SETD2: variants seen among roughly 807,000 people sequenced by gnomAD.
SETD2 encodes histone-lysine N-methyltransferase SETD2.
SETD2 carries 31 observed loss-of-function variants against 242.1 expected under a neutral mutation model. That is an observed-to-expected ratio of 0.13 (90% CI 0.10 to 0.17). SETD2 has a LOEUF of 0.17. Ranked by LOEUF, SETD2 falls within the 10% of genes least tolerant of loss-of-function variation. The pLI is 1.00. For missense variants in SETD2, 2,481 were observed against 3,046.3 expected (o/e 0.81, Z 4.37); for synonymous variants, 1,006 against 1,066.5 (o/e 0.94, Z 1.11).
intron 17 of SETD2, among the ~76,000 whole-genome samples, chr3:47,038,134 C>T (rs1311158336): frequency 6.6e-6 from 1 of 152,110 alleles, no homozygotes; most frequent in African/African-American, 2.4e-5. Context: ...CCTATGTCAC[C>T]CCTCTGTAGA....
chr3:47,108,932 C>G (rs1002767135), intron 5 of SETD2, among the ~76,000 whole-genome samples: 11 of 152,132 alleles, frequency 7.2e-5, no homozygotes. Context: ...CATCATATTG[C>G]CTGGCATGCA....
rs760205909 is a variant in SETD2 at position 47,122,442 on chromosome 3, A to G, written c.2194T>C (p.Leu732=). ...QNISRCKEKD[L]DDTCMLHKKS... The stretch of plus-strand genomic sequence containing the variant: ...TTATGCAGCATGCAGGTATCATCCA[A>G]GTCTTTTTCTTTGCACCTACTAATA... The change falls in exon 3 of 21, where the codon TTG becomes CTG. Residue 732 remains leucine, a synonymous_variant. Coordinates refer to ENST00000409792, the MANE Select transcript of SETD2 (RefSeq NM_014159.7). 1 of 1,614,166 alleles carries G rather than the reference A, an allele frequency of 6.2e-7. No individual in the cohort carries two copies. Among genetic ancestry groups the G allele is most frequent in the Non-Finnish European group, 8.5e-7 (1 of 1,180,018 alleles).
At position 47,042,711 on chromosome 3, in the gene SETD2, AAC is replaced by A. The variant is rs768538705; in HGVS notation, c.7099-13_7099-12del. 4 of 1,588,984 alleles carry A rather than the reference AAC, an allele frequency of 2.5e-6. No homozygotes were observed. The highest frequency in any genetic ancestry group is 3.6e-5 in the Admixed American group (2 of 55,732). ...CACAACCATTTCAGACTACAAAGAA[AAC>A]ACACACATTTTTGATCAGTGATCTC... On this transcript the variant is annotated splice_polypyrimidine_tract_variant and intron_variant, in intron 16 of 20. Transcript: ENST00000409792.
intron 12 of SETD2, among the ~76,000 whole-genome samples, chr3:47,072,336 G>A (rs750617638): frequency 2.6e-5 from 4 of 151,894 alleles, no homozygotes; most frequent in Non-Finnish European, 4.4e-5. Context: ...ATTTACAGGC[G>A]CAAGATTTCC....
At chr3:47,056,092 ATTTTTATTTATTTATTTATTTATTTATT>A (rs2040062606) in intron 15 of SETD2, among the ~76,000 whole-genome samples, 2 of 113,004 alleles carry the variant, frequency 1.8e-5, no homozygotes, top group Admixed American at 2.0e-4. Context: ...AGAAAACATG[ATTTTTATTTATTTATTTATTTATTTATT>A]TATTTATTTA....
chr3:47,116,890 C>A (rs2042875767), intron 3 of SETD2, 136 bp from the exon 4 acceptor site: 2 of 611,856 alleles, frequency 3.3e-6, no homozygotes, highest in Non-Finnish European at 5.5e-6. Context: ...GTCACCCAGG[C>A]CAGGGTGCAG....
intron 8 of SETD2, among the ~76,000 whole-genome samples, chr3:47,100,940 G>T (rs900974620): frequency 6.7e-6 from 1 of 149,656 alleles, no homozygotes; most frequent in Non-Finnish European, 1.5e-5. Flanking sequence ...AACCTGGGAG[G>T]CGGAGCTTGC....
At chr3:47,077,372 C>T (rs919830432) in intron 12 of SETD2, among the ~76,000 whole-genome samples, 24 of 152,148 alleles carry the variant, frequency 1.6e-4, no homozygotes, top group South Asian at 2.1e-4. Context: ...TGTGAGCCAC[C>T]ACGCCCGGCC....
chr3:47,090,581 AG>A (rs2041759195), intron 9 of SETD2, among the ~76,000 whole-genome samples: 2 of 151,870 alleles, frequency 1.3e-5, no homozygotes, highest in Admixed American at 1.3e-4. Flanking sequence ...TAGTAGAGAC[AG>A]GGTTTCACCA....
chr3:47,027,950 CCTGA>C (rs960626621), intron 18 of SETD2, among the ~76,000 whole-genome samples: 1 of 152,006 alleles, frequency 6.6e-6, no homozygotes, highest in Non-Finnish European at 1.5e-5. Context: ...CCCCCGCACA[CCTGA>C]CTAATTTTTT....
intron 5 of SETD2, among the ~76,000 whole-genome samples, chr3:47,107,736 GGGGGT>G (rs2042491310): frequency 7.2e-6 from 1 of 139,004 alleles, no homozygotes; most frequent in Non-Finnish European, 1.6e-5. Context: ...GGGGTGGGGG[GGGGGT>G]GGCAGGATTG....
At chr3:47,133,756 T>C (rs549257157) in intron 1 of SETD2, among the ~76,000 whole-genome samples, 20 of 152,182 alleles carry the variant, frequency 1.3e-4, no homozygotes, top group African/African-American at 4.8e-4. Flanking sequence ...TGTGGACCCT[T>C]GGAAATCCTA....
At chr3:47,043,118 C>T (rs1299641773) in intron 16 of SETD2, among the ~76,000 whole-genome samples, 2 of 151,430 alleles carry the variant, frequency 1.3e-5, no homozygotes, top group African/African-American at 4.8e-5. Context: ...ATATTTTTTC[C>T]GTACTTGAAA....
chr3:47,035,242 T>G (rs1407089910), intron 18 of SETD2, among the ~76,000 whole-genome samples: 1 of 152,214 alleles, frequency 6.6e-6, no homozygotes, highest in Non-Finnish European at 1.5e-5. Context: ...TTTTAACAGG[T>G]GGTGCCTGGT....
rs1200406493 is a variant in SETD2, at chr3:47,123,280, A to G, written c.1356T>C (p.Asp452=). 4 of 1,552,122 alleles carry G rather than the reference A, an allele frequency of 2.6e-6. No homozygotes were observed. Among genetic ancestry groups the G allele is most frequent in the Non-Finnish European group, 2.6e-6 (3 of 1,147,128 alleles). ...AGTCAGAACTCTCTCGTGCTCTGTT[A>G]TCTGTGTATGGCCGAGAATAGCGCG... ...ERTRYSRPYT[D]NRARESSDSE... is the part of the protein sequence containing the mutation. Residue 452 remains aspartate (D), a synonymous_variant, in exon 3 of 21, where the codon GAT becomes GAC. Coordinates refer to ENST00000409792, the MANE Select transcript of SETD2 (RefSeq NM_014159.7).
rs2043032155 is a variant in SETD2, at chr3:47,120,547, G to C, written c.4089C>G (p.Asp1363Glu). 6.2e-7 allele frequency: 1 copy of C among 1,613,948 alleles called. No individual in the cohort carries two copies. The highest frequency in any genetic ancestry group is 8.5e-7 in the Non-Finnish European group (1 of 1,179,996). The stretch of plus-strand genomic sequence containing the variant: ...TTTCAGGTGCTTGCACTGACCCCTT[G>C]TCTTTCTGAAGGGATAGAAGAAATT... ...SDKFLLSLQK[D>E]KGSVQAPEIS... Residue 1363 changes from aspartate (D) to glutamate (E), a missense_variant, in exon 3 of 21, where the codon GAC (aspartate) becomes GAG (glutamate). This residue lies in a region of SETD2 where 1,300 missense variants were observed against 1,259.2 expected (regional missense o/e 1.03). Transcript: ENST00000409792.
intron 18 of SETD2, among the ~76,000 whole-genome samples, chr3:47,031,677 G>A (rs1012769060): frequency 6.6e-6 from 1 of 152,196 alleles, no homozygotes; most frequent in Non-Finnish European, 1.5e-5. Flanking sequence ...TATGCATACT[G>A]TAAACCTTAC....
At chr3:47,093,436 A>G (rs761606667) in intron 9 of SETD2, among the ~76,000 whole-genome samples, 4 of 151,742 alleles carry the variant, frequency 2.6e-5, no homozygotes, top group Admixed American at 6.6e-5. Context: ...GGCACCCACC[A>G]TTACACTTGG....
At chr3:47,037,902 G>C (rs1291072500) in intron 17 of SETD2, 125 bp from the exon 18 acceptor site, 2 of 682,070 alleles carry the variant, frequency 2.9e-6, no homozygotes, top group Non-Finnish European at 5.2e-6. Context: ...TCAGCTCCAT[G>C]AGTTAAAGAC....
Sources: gnomAD v4.1 joint callset for allele counts (sites outside exome capture counted in the v4.1 genomes callset) on GRCh38, gnomAD v4.1.1 for gene constraint, gnomAD v4.1.1 regional missense constraint, MANE v1.5 for transcripts, NCBI Gene and HGNC (gene_info 2026-07-23, HGNC 2026-07-21) for gene names.